Variants in VPS13B observed in about 807,000 individuals in gnomAD.
VPS13B encodes intermembrane lipid transfer protein VPS13B.
VPS13B carries 285 observed loss-of-function variants against 426.4 expected under a neutral mutation model. The ratio of observed to expected loss-of-function variants is 0.67; its 90% confidence interval spans 0.61 to 0.74. VPS13B has a LOEUF of 0.74. VPS13B is among the 30% of genes least tolerant of loss of function. The probability of loss-of-function intolerance (pLI) is 0.00; values close to 1 mark genes in which losing one functional copy is unlikely to be tolerated. For synonymous variants in VPS13B, 1,676 were observed against 1,676.4 expected, an observed-to-expected ratio of 1.00 and a Z score of 0.01; for missense variants, 4,537 against 4,782.6, an observed-to-expected ratio of 0.95 and a Z score of 1.51.
chr8:99,019,499 C>G (rs1841784737), intron 2 of VPS13B, among the ~76,000 whole-genome samples: 1 of 152,054 alleles, frequency 6.6e-6, no homozygotes, highest in Admixed American at 6.6e-5. Context: ...CGTGCCTGGC[C>G]CATTTTAATC....
At chr8:99,097,371 A>T (rs143643758) in intron 4 of VPS13B, among the ~76,000 whole-genome samples, 44 of 152,296 alleles carry the variant, frequency 2.9e-4, no homozygotes, top group Non-Finnish European at 5.1e-4. Context: ...TAGTGGAGAC[A>T]GGCTGTTTAT....
intron 25 of VPS13B, among the ~76,000 whole-genome samples, chr8:99,494,767 T>A (rs1179955729): frequency 6.6e-6 from 1 of 152,160 alleles, no homozygotes; most frequent in Non-Finnish European, 1.5e-5. Flanking sequence ...TTAGACAATA[T>A]TTTGAAGTTT....
intron 25 of VPS13B, among the ~76,000 whole-genome samples, chr8:99,497,360 T>TATGTA (rs1056612824): frequency 5.6e-5 from 8 of 143,090 alleles, no homozygotes; most frequent in African/African-American, 2.0e-4. Context: ...CATAAAATAA[T>TATGTA]ATGTATATAT....
rs139388206 is a variant in VPS13B at position 99,671,256 on chromosome 8, T to C, written c.6046+9765T>C. On this transcript the variant is annotated intron_variant, in intron 35 of 61. Transcript: ENST00000357162. ...TAGTTATATTGAGCCCTTTTTCATATACCTGTTGGCCATTTGTATGTCCTC... is the reference window on the plus strand; with the variant it reads ...TAGTTATATTGAGCCCTTTTTCATACACCTGTTGGCCATTTGTATGTCCTC... Among the ~76,000 whole-genome samples, 152 of 152,316 alleles carry C rather than the reference T, an allele frequency of 1.0e-3. 1 individual carries two copies. Among genetic ancestry groups the C allele is most frequent in the African/African-American group, 3.6e-3 (149 of 41,580 alleles).
intron 19 of VPS13B, among the ~76,000 whole-genome samples, chr8:99,322,067 C>G (rs913913915): frequency 6.6e-6 from 1 of 152,152 alleles, no homozygotes; most frequent in South Asian, 2.1e-4. Flanking sequence ...TGCTCACTGG[C>G]CAAAGACCAC....
chr8:99,700,832 G>T (rs947052284), intron 36 of VPS13B, among the ~76,000 whole-genome samples: 4 of 152,150 alleles, frequency 2.6e-5, no homozygotes, highest in African/African-American at 9.7e-5. Context: ...TAAAATTTCA[G>T]GGCACAGGGC....
At chr8:99,874,269 C>T (rs1206131788) in intron 61 of VPS13B, among the ~76,000 whole-genome samples, 2 of 152,142 alleles carry the variant, frequency 1.3e-5, no homozygotes, top group Non-Finnish European at 2.9e-5. Context: ...ATTCTGGCCC[C>T]ATCAAATGAT....
At chr8:99,817,241 G>A (rs1814094671) in intron 44 of VPS13B, among the ~76,000 whole-genome samples, 1 of 151,448 alleles carries the variant, frequency 6.6e-6, no homozygotes, top group Non-Finnish European at 1.5e-5. Context: ...TGTTTGCAAG[G>A]CTCTTCTTTC....
At chr8:99,489,709 G>GT (rs770406027) in intron 25 of VPS13B, among the ~76,000 whole-genome samples, 34 of 152,210 alleles carry the variant, frequency 2.2e-4, no homozygotes, top group Non-Finnish European at 4.4e-4. Flanking sequence ...CTGTTTGTCT[G>GT]TTATTGGTGG....
intron 13 of VPS13B, among the ~76,000 whole-genome samples, chr8:99,144,799 G>A (rs1304872923): frequency 2.6e-5 from 4 of 152,146 alleles, no homozygotes; most frequent in Non-Finnish European, 5.9e-5. Flanking sequence ...ATATCCTCAT[G>A]GGGTAGACAA....
At chr8:99,675,956 C>G (rs973601407) in intron 35 of VPS13B, among the ~76,000 whole-genome samples, 1 of 151,840 alleles carries the variant, frequency 6.6e-6, no homozygotes, top group African/African-American at 2.4e-5. Flanking sequence ...TTTCAGGGGT[C>G]GGTCACTAGC....
chr8:99,843,007 G>T (rs1815789594), intron 54 of VPS13B, among the ~76,000 whole-genome samples: 1 of 152,006 alleles, frequency 6.6e-6, no homozygotes, highest in Admixed American at 6.5e-5. Flanking sequence ...ACAAAACTTA[G>T]CTGGACATGG....
intron 21 of VPS13B, among the ~76,000 whole-genome samples, chr8:99,418,499 C>CTTTCT (rs1816177151): frequency 7.3e-6 from 1 of 136,506 alleles, no homozygotes; most frequent in Non-Finnish European, 1.6e-5. Flanking sequence ...TTCTTTCTTT[C>CTTTCT]TTTCTTTCTT....
At chr8:99,830,523 T>G (rs535082399) in intron 51 of VPS13B, among the ~76,000 whole-genome samples, 1 of 152,262 alleles carries the variant, frequency 6.6e-6, no homozygotes, top group Non-Finnish European at 1.5e-5. Flanking sequence ...CAGTGGATCT[T>G]AGCCTGCTGG....
chr8:99,220,053 G>T (rs1457076843), intron 17 of VPS13B, among the ~76,000 whole-genome samples: 2 of 152,178 alleles, frequency 1.3e-5, no homozygotes, highest in East Asian at 1.9e-4. Context: ...AGAGAAAAAT[G>T]AGGCTTGTTT....
intron 17 of VPS13B, among the ~76,000 whole-genome samples, chr8:99,238,493 C>T (rs1226183514): frequency 2.0e-5 from 3 of 152,012 alleles, no homozygotes; most frequent in Non-Finnish European, 2.9e-5. Flanking sequence ...TAATCTGGAG[C>T]GAGTTGCTGA....
intron 30 of VPS13B, among the ~76,000 whole-genome samples, chr8:99,538,968 A>AGTTCTT (rs1823407585): frequency 1.3e-5 from 2 of 152,220 alleles, no homozygotes; most frequent in Admixed American, 6.5e-5. Flanking sequence ...ATAAAGGAAG[A>AGTTCTT]ACTCACAGAA....
chr8:99,192,291 T>C (rs1813645493), intron 16 of VPS13B, among the ~76,000 whole-genome samples: 1 of 152,216 alleles, frequency 6.6e-6, no homozygotes, highest in African/African-American at 2.4e-5. Context: ...GAGTCCTGCA[T>C]GTAATGTAAA....
At chr8:99,122,332 C>T (rs1167680559) in intron 8 of VPS13B, among the ~76,000 whole-genome samples, 1 of 151,754 alleles carries the variant, frequency 6.6e-6, no homozygotes, top group Non-Finnish European at 1.5e-5. Context: ...AATACCTGTT[C>T]TTATCTATAC....
Sources: allele counts gnomAD v4.1 joint callset (sites outside exome capture counted in the v4.1 genomes callset), GRCh38; gene constraint gnomAD v4.1.1; transcripts MANE v1.5; gene names NCBI Gene and HGNC (gene_info 2026-07-23, HGNC 2026-07-21).